The following GARIN5A variants were observed in gnomAD, a reference collection of about 807,000 sequenced individuals.
GARIN5A encodes the protein golgi associated RAB2 interactor 5A.
the GARIN5A span, among the ~76,000 whole-genome samples, chr19:50,469,285 G>A: frequency 7.9e-5 from 12 of 152,098 alleles, no homozygotes; most frequent in Non-Finnish European, 2.9e-5. Flanking sequence ...GGCAAGACCC[G>A]CCCCCTCATC....
the GARIN5A span, among the ~76,000 whole-genome samples, chr19:50,469,265 C>T: frequency 0.029 from 4,467 of 152,262 alleles, 163 homozygotes; most frequent in African/African-American, 0.081. Context: ...CCTGAAAAGC[C>T]CTTTCTCCAG....
the GARIN5A span, among the ~76,000 whole-genome samples, chr19:50,473,367 C>CT: frequency 1.3e-5 from 2 of 151,574 alleles, no homozygotes; most frequent in Admixed American, 6.6e-5. Flanking sequence ...CTCTTTCTTT[C>CT]TTTTTTAGAG....
the GARIN5A span, among the ~76,000 whole-genome samples, chr19:50,471,157 G>C: frequency 6.6e-6 from 1 of 151,948 alleles, no homozygotes; most frequent in Non-Finnish European, 1.5e-5. Context: ...TAGAGATGGG[G>C]TCTCACTATG....
At chr19:50,469,759 C>T in the GARIN5A span, among the ~76,000 whole-genome samples, 3 of 152,096 alleles carry the variant, frequency 2.0e-5, no homozygotes, top group Non-Finnish European at 4.4e-5. Context: ...TCTGGTCCAG[C>T]AGTATCACTG....
At chr19:50,475,611 T>A in the GARIN5A span, 1 of 765,310 alleles carries the variant, frequency 1.3e-6, no homozygotes, top group East Asian at 2.7e-5. Flanking sequence ...AGTTCAAGAA[T>A]CATATGGGTG....
chr19:50,474,824 G>A, the GARIN5A span, among the ~76,000 whole-genome samples: 8 of 152,260 alleles, frequency 5.3e-5, no homozygotes, highest in African/African-American at 1.9e-4. Context: ...GACGTAAAGG[G>A]GCAGTGTGGA....
the GARIN5A span, among the ~76,000 whole-genome samples, chr19:50,475,038 G>T: frequency 5.9e-5 from 9 of 152,314 alleles, no homozygotes; most frequent in South Asian, 1.9e-3. Flanking sequence ...CGTATGCGCG[G>T]CCTAGGGGCG....
At chr19:50,471,765 C>CATACATGCATGTGTATGT in the GARIN5A span, among the ~76,000 whole-genome samples, 1 of 131,964 alleles carries the variant, frequency 7.6e-6, no homozygotes, top group Non-Finnish European at 1.5e-5. Context: ...TGTGTATACG[C>CATACATGCATGTGTATGT]ATACATACCT....
At chr19:50,471,599 T>G in the GARIN5A span, among the ~76,000 whole-genome samples, 1 of 152,112 alleles carries the variant, frequency 6.6e-6, no homozygotes, top group African/African-American at 2.4e-5. Context: ...AAAGGATGGA[T>G]CCATATATAT....
At chr19:50,476,131 T>G in the GARIN5A span, 3 of 1,613,272 alleles carry the variant, frequency 1.9e-6, no homozygotes, top group South Asian at 1.1e-5. Flanking sequence ...CTCTCTCACC[T>G]GCCATCCCAC....
At chr19:50,470,905 C>T in the GARIN5A span, among the ~76,000 whole-genome samples, 1 of 151,914 alleles carries the variant, frequency 6.6e-6, no homozygotes, top group East Asian at 1.9e-4. Context: ...CCACCCGCCT[C>T]GGCCTCCCAA....
At chr19:50,476,559 C>T in the GARIN5A span, 12 of 1,574,486 alleles carry the variant, frequency 7.6e-6, no homozygotes, top group Admixed American at 5.3e-5. Context: ...CGGCAGCCAG[C>T]GCTGGGGCAA....
chr19:50,473,838 T>A, the GARIN5A span, among the ~76,000 whole-genome samples: 1 of 151,982 alleles, frequency 6.6e-6, no homozygotes, highest in African/African-American at 2.4e-5. Flanking sequence ...AATACAAAAA[T>A]TAGCTGGGCG....
At chr19:50,468,363 CAAAAA>C in the GARIN5A span, among the ~76,000 whole-genome samples, 2 of 77,064 alleles carry the variant, frequency 2.6e-5, no homozygotes, top group Non-Finnish European at 2.4e-5. Flanking sequence ...GACTGTGTCT[CAAAAA>C]AAAAAAAAAA....
the GARIN5A span, chr19:50,476,173 C>T: frequency 1.2e-6 from 2 of 1,613,562 alleles, no homozygotes; most frequent in South Asian, 1.1e-5. Context: ...CACCCAGGGC[C>T]GGCTTAGGGC....
At chr19:50,475,996 G>C in the GARIN5A span, 1 of 1,602,488 alleles carries the variant, frequency 6.2e-7, no homozygotes, top group Non-Finnish European at 8.5e-7. Flanking sequence ...GGCTGTGCCT[G>C]GCTTCCCAAC....
chr19:50,468,363 CAAAAAAAA>C, the GARIN5A span, among the ~76,000 whole-genome samples: 6 of 77,066 alleles, frequency 7.8e-5, no homozygotes, highest in African/African-American at 3.3e-4. Flanking sequence ...GACTGTGTCT[CAAAAAAAA>C]AAAAAAAAAA....
At chr19:50,474,106 C>G in the GARIN5A span, among the ~76,000 whole-genome samples, 1 of 152,178 alleles carries the variant, frequency 6.6e-6, no homozygotes, top group Non-Finnish European at 1.5e-5. Flanking sequence ...ACAGCTTCTG[C>G]TGTCTATTTT....
the GARIN5A span, chr19:50,467,868 G>A: frequency 1.9e-6 from 3 of 1,596,962 alleles, no homozygotes; most frequent in Admixed American, 1.7e-5. Context: ...TTCTGACCCT[G>A]TCGGGTCCTC....
Sources: allele counts gnomAD v4.1 joint callset (sites outside exome capture counted in the v4.1 genomes callset), GRCh38; gene constraint gnomAD v4.1.1; transcripts MANE v1.5; gene names NCBI Gene and HGNC (gene_info 2026-07-23, HGNC 2026-07-21).